The following EGLN1 variants were observed in gnomAD, a reference collection of about 807,000 sequenced individuals.
EGLN1 encodes egl nine homolog 1.
Under a neutral mutation model 38.3 loss-of-function variants are expected in EGLN1, and 17 were observed. The observed-to-expected ratio is 0.44, with a 90% CI of 0.30 to 0.67. The LOEUF (loss-of-function observed/expected upper bound fraction) is 0.67, where lower values mean the gene tolerates loss of function less well. Among genes scored for constraint, EGLN1 ranks in the 30% least tolerant of loss-of-function variants. The pLI is 0.08. For missense variants in EGLN1, 477 were observed against 603.3 expected (o/e 0.79, Z 2.19); for synonymous variants, 283 against 257.5 (o/e 1.10, Z -0.95).
chr1:231,421,689 T>C lies in EGLN1; in HGVS notation c.200A>G (p.His67Arg). ...VCQGSEGALG[H>R]GVGPHQHSGP... ...GGAATGCTGGTGTGGGCCCACTCCG[T>C]GGCCGAGGGCGCCCTCGCTGCCCTG... The change falls in exon 1 of 5, where the codon CAC becomes CGC. Residue 67 changes from histidine (H) to arginine (R), a missense_variant. Around this residue, in one of 4 missense-constraint regions of EGLN1, gnomAD observed 298 missense variants for 288.9 expected, o/e 1.03. Coordinates refer to ENST00000366641, the MANE Select transcript of EGLN1 (RefSeq NM_022051.3). This position sits in a 1 kb window ranked among gnomAD's most constrained non-coding sequence, Gnocchi z 5.5. The C allele has an allele frequency of 6.6e-7, 1 of 1,509,368 alleles. No homozygotes were observed. Among genetic ancestry groups the C allele is most frequent in the South Asian group, 1.2e-5 (1 of 81,962 alleles). 93.5% of individuals were successfully genotyped at this position (1,509,368 alleles called of 1,614,324 possible).
At chr1:231,375,740 A>G (rs998927910) in intron 1 of EGLN1, among the ~76,000 whole-genome samples, 1 of 152,214 alleles carries the variant, frequency 6.6e-6, no homozygotes, top group African/African-American at 2.4e-5. Context: ...GATGAGCCCA[A>G]ATGATTTTCT....
intron 1 of EGLN1, among the ~76,000 whole-genome samples, chr1:231,389,145 A>C (rs1461441008): frequency 6.6e-6 from 1 of 152,268 alleles, no homozygotes; most frequent in African/African-American, 2.4e-5. Flanking sequence ...TAAAGTTAAA[A>C]ATAAATCCTA....
intron 1 of EGLN1, among the ~76,000 whole-genome samples, chr1:231,398,856 G>C (rs570045228): frequency 6.6e-6 from 1 of 152,276 alleles, no homozygotes; most frequent in African/African-American, 2.4e-5. Flanking sequence ...AGAGGAACCA[G>C]AAACAGACTC....
intron 3 of EGLN1, among the ~76,000 whole-genome samples, chr1:231,369,052 A>T (rs1039624266): frequency 1.3e-5 from 2 of 152,176 alleles, no homozygotes; most frequent in Non-Finnish European, 1.5e-5. Context: ...ACCTTATGTC[A>T]TTCTAACTTT....
chr1:231,386,459 A>G (rs1688210403), intron 1 of EGLN1, among the ~76,000 whole-genome samples: 1 of 152,188 alleles, frequency 6.6e-6, no homozygotes, highest in African/African-American at 2.4e-5. Context: ...AATAATGATG[A>G]GTCTGTTTCA....
intron 1 of EGLN1, among the ~76,000 whole-genome samples, chr1:231,413,662 G>A (rs1374952261): frequency 6.6e-6 from 1 of 152,090 alleles, no homozygotes; most frequent in South Asian, 2.1e-4. Flanking sequence ...CCATGAGAAG[G>A]GGGGCTTTTT....
intron 3 of EGLN1, among the ~76,000 whole-genome samples, chr1:231,368,963 A>C (rs1687741702): frequency 6.6e-6 from 1 of 152,096 alleles, no homozygotes; most frequent in South Asian, 2.1e-4. Context: ...TCAGATACAT[A>C]ATTTTATGTA....
rs1306556734 is a variant in EGLN1 at position 231,365,661 on chromosome 1, T to G, written c.*750A>C. The G allele has an allele frequency of 6.6e-6, 1 of 152,236 alleles. No homozygotes were observed. The highest frequency in any genetic ancestry group is 2.1e-4 in the South Asian group (1 of 4,826). 9.4% of individuals were successfully genotyped at this position (152,236 alleles called of 1,614,324 possible). A position where few individuals can be genotyped will look rare whatever the true frequency, so the allele number is the denominator to read the frequency against. ...AAAAAAACAAAACAAAACAAAAAAA[T>G]TTAAACTCTTCTTGTGTCTTTTTCC... On this transcript the variant is annotated 3_prime_UTR_variant, in exon 5 of 5. Transcript: ENST00000366641.
rs1427824902 is a variant in EGLN1, at chr1:231,373,967, T to C, written c.1011+13A>G. On this transcript the variant is annotated intron_variant, in intron 2 of 4. Transcript: ENST00000366641. Reference sequence around the variant, plus strand: ...CTGTAAGAAAAAAATAAATGCTCAATTAAGTTGCATACCTTGGCATCCCAG... The same window carrying C: ...CTGTAAGAAAAAAATAAATGCTCAACTAAGTTGCATACCTTGGCATCCCAG... The C allele has an allele frequency of 6.2e-7, 1 of 1,613,502 alleles. No homozygotes were observed. The highest frequency in any genetic ancestry group is 1.1e-5 in the South Asian group (1 of 91,052).
At chr1:231,369,333 T>C (rs1214451517) in intron 3 of EGLN1, among the ~76,000 whole-genome samples, 1 of 152,308 alleles carries the variant, frequency 6.6e-6, no homozygotes, top group Non-Finnish European at 1.5e-5. Context: ...TTATTTACTA[T>C]AAACTCCCAA....
intron 1 of EGLN1, among the ~76,000 whole-genome samples, chr1:231,412,541 CATACTT>C (rs1470579611): frequency 2.0e-5 from 3 of 152,310 alleles, no homozygotes; most frequent in East Asian, 3.9e-4. Context: ...GAAGCACAGA[CATACTT>C]ATAGACAACA....
At chr1:231,409,900 A>G (rs1382609866) in intron 1 of EGLN1, among the ~76,000 whole-genome samples, 1 of 147,048 alleles carries the variant, frequency 6.8e-6, no homozygotes, top group African/African-American at 2.6e-5. Context: ...TGTGTCTAAA[A>G]TCAGAGAGCA....
At chr1:231,378,011 A>C (rs1688000148) in intron 1 of EGLN1, among the ~76,000 whole-genome samples, 1 of 152,204 alleles carries the variant, frequency 6.6e-6, no homozygotes, top group South Asian at 2.1e-4. Flanking sequence ...ATCACCATCT[A>C]AATGTATTAT....
intron 1 of EGLN1, among the ~76,000 whole-genome samples, chr1:231,417,781 T>C (rs1031187019): frequency 3.3e-5 from 5 of 152,184 alleles, no homozygotes; most frequent in African/African-American, 9.7e-5. Flanking sequence ...ATAAGCATGT[T>C]TGAAGTAGAA....
At chr1:231,417,131 T>C (rs1379967352) in intron 1 of EGLN1, among the ~76,000 whole-genome samples, 1 of 152,184 alleles carries the variant, frequency 6.6e-6, no homozygotes, top group African/African-American at 2.4e-5. Context: ...TCTAAGAGGA[T>C]TGTTCACCAC....
intron 1 of EGLN1, among the ~76,000 whole-genome samples, chr1:231,381,823 G>A (rs1688085925): frequency 6.6e-6 from 1 of 152,154 alleles, no homozygotes; most frequent in Non-Finnish European, 1.5e-5. Flanking sequence ...CTCTTTCTTA[G>A]ATTCCCAAGC....
chr1:231,378,051 A>C (rs903502590), intron 1 of EGLN1, among the ~76,000 whole-genome samples: 15 of 152,172 alleles, frequency 9.9e-5, no homozygotes, highest in African/African-American at 3.1e-4. Flanking sequence ...CTTTAGTCTT[A>C]TCTGGCATTC....
At chr1:231,367,486 G>T in intron 4 of EGLN1, 83 bp downstream of exon 4, 1 of 1,338,274 alleles carries the variant, frequency 7.5e-7, no homozygotes, top group Non-Finnish European at 1.1e-6. Context: ...TGTTAACAAA[G>T]ACTATGCTTG....
Position 231,366,062 on chromosome 1 carries a change from T to C in EGLN1, c.*349A>G, listed in dbSNP as rs533283653. ...AATTATCCCAAATTCAAACTTGATA[T>C]AAAAAAGGGAGAGATGAAATGAACT... On this transcript the variant is annotated 3_prime_UTR_variant, in exon 5 of 5. Coordinates refer to ENST00000366641, the MANE Select transcript of EGLN1 (RefSeq NM_022051.3). 1 of 266,634 alleles carries C rather than the reference T, an allele frequency of 3.8e-6. No homozygotes were observed. The highest frequency in any genetic ancestry group is 7.1e-6 in the Non-Finnish European group (1 of 140,256). The allele number at this position is 266,634 out of a possible 1,614,324, so 16.5% of individuals were successfully genotyped here.
Sources: gnomAD v4.1 joint callset for allele counts (sites outside exome capture counted in the v4.1 genomes callset) on GRCh38, gnomAD v4.1.1 for gene constraint, gnomAD v4.1.1 regional missense constraint, Gnocchi (gnomAD v3.1) non-coding constraint, MANE v1.5 for transcripts, NCBI Gene and HGNC (gene_info 2026-07-23, HGNC 2026-07-21) for gene names.